The following UNC13C variants were observed in gnomAD, a reference collection of about 807,000 sequenced individuals.
UNC13C encodes protein unc-13 homolog C.
In UNC13C, 174 loss-of-function variants were observed where a neutral mutation model predicts 245.4. That is an observed-to-expected ratio of 0.71 (90% CI 0.63 to 0.80). UNC13C has a LOEUF of 0.80. UNC13C is among the 30% of genes least tolerant of loss of function. The pLI is 0.00. For synonymous variants in UNC13C, 992 were observed against 895.1 expected (o/e 1.11, Z -1.93); for missense variants, 2,829 against 2,602.9 (o/e 1.09, Z -1.89).
intron 2 of UNC13C, chr15:54,044,523 C>A: frequency 4.4e-6 from 1 of 225,872 alleles, no homozygotes; most frequent in South Asian, 4.4e-5. Flanking sequence ...AAAGTGGCTG[C>A]ACAACCTGAC....
chr15:54,191,937 T>A (rs1233418954), intron 4 of UNC13C, among the ~76,000 whole-genome samples: 1 of 152,178 alleles, frequency 6.6e-6, no homozygotes, highest in Non-Finnish European at 1.5e-5. Flanking sequence ...TCCTTGTAGA[T>A]TCTAGATATT....
chr15:54,588,926 A>G (rs1173260093), intron 30 of UNC13C, among the ~76,000 whole-genome samples: 1 of 152,168 alleles, frequency 6.6e-6, no homozygotes, highest in African/African-American at 2.4e-5. Context: ...GCAATTGTGA[A>G]TTGTGTTGCT....
At chr15:54,572,872 C>T (rs564985742) in intron 30 of UNC13C, among the ~76,000 whole-genome samples, 6 of 152,144 alleles carry the variant, frequency 3.9e-5, no homozygotes, top group African/African-American at 1.4e-4. Flanking sequence ...CTTTTAAAAG[C>T]ATTTGTGTTT....
intron 26 of UNC13C, among the ~76,000 whole-genome samples, chr15:54,539,658 G>A (rs1896156367): frequency 6.6e-6 from 1 of 152,018 alleles, no homozygotes; most frequent in Non-Finnish European, 1.5e-5. Context: ...AGTCCAATCA[G>A]TAGTTTGGAG....
intron 8 of UNC13C, among the ~76,000 whole-genome samples, chr15:54,251,155 G>A (rs1463627217): frequency 6.6e-6 from 1 of 152,136 alleles, no homozygotes; most frequent in African/African-American, 2.4e-5. Flanking sequence ...ATATGCTTCT[G>A]CATTTACAGC....
chr15:54,491,991 CAA>C (rs111666689), intron 19 of UNC13C, among the ~76,000 whole-genome samples: 2 of 134,166 alleles, frequency 1.5e-5, no homozygotes, highest in African/African-American at 2.8e-5. Context: ...GACTCCATCT[CAA>C]AAAAAAAAAA....
the UNC13C span, among the ~76,000 whole-genome samples, chr15:53,954,085 C>G: frequency 6.6e-6 from 1 of 152,192 alleles, no homozygotes; most frequent in African/African-American, 2.4e-5. Flanking sequence ...CCTATCCATC[C>G]TTTAAAGAGC....
the UNC13C span, among the ~76,000 whole-genome samples, chr15:53,900,870 C>T: frequency 6.6e-6 from 1 of 152,144 alleles, no homozygotes; most frequent in African/African-American, 2.4e-5. Flanking sequence ...GCACTTCATG[C>T]TCCCTGTTTT....
chr15:54,016,459 G>A (rs1048026960), intron 2 of UNC13C, among the ~76,000 whole-genome samples: 1 of 152,160 alleles, frequency 6.6e-6, no homozygotes, highest in Non-Finnish European at 1.5e-5. Flanking sequence ...CACAGTCAGG[G>A]AGAGCAATAG....
chr15:54,197,642 G>A (rs2034399151), intron 4 of UNC13C, among the ~76,000 whole-genome samples: 1 of 152,030 alleles, frequency 6.6e-6, no homozygotes, highest in Admixed American at 6.6e-5. Context: ...GCATCTTCTG[G>A]CTGTAAAAGG....
chr15:54,574,940 T>C (rs1897894328), intron 30 of UNC13C, among the ~76,000 whole-genome samples: 1 of 152,224 alleles, frequency 6.6e-6, no homozygotes, highest in Non-Finnish European at 1.5e-5. Context: ...TACTTCAGTA[T>C]GCCTAGTATA....
intron 2 of UNC13C, among the ~76,000 whole-genome samples, chr15:54,038,696 CA>C (rs1354572103): frequency 4.6e-4 from 70 of 152,240 alleles, no homozygotes; most frequent in African/African-American, 1.5e-3. Flanking sequence ...TTAAACATCT[CA>C]ACACTGTTTA....
chr15:54,269,045 T>TA (rs1347172920), intron 10 of UNC13C, among the ~76,000 whole-genome samples: 1 of 150,382 alleles, frequency 6.6e-6, no homozygotes, highest in Non-Finnish European at 1.5e-5. Flanking sequence ...TTTTTTTTTT[T>TA]AATTTTTTAT....
intron 2 of UNC13C, chr15:54,051,008 A>G (rs1897247837): frequency 4.7e-6 from 2 of 428,284 alleles, no homozygotes; most frequent in Non-Finnish European, 9.3e-6. Context: ...TGGTCACCAT[A>G]GTGACTTCTT....
intron 14 of UNC13C, among the ~76,000 whole-genome samples, chr15:54,324,899 GA>G (rs1229729357): frequency 6.6e-6 from 1 of 152,086 alleles, no homozygotes; most frequent in Non-Finnish European, 1.5e-5. Context: ...ATGCAGCCCA[GA>G]GTGGCTTTGA....
chr15:53,903,521 G>A, the UNC13C span, among the ~76,000 whole-genome samples: 3 of 152,300 alleles, frequency 2.0e-5, no homozygotes, highest in Admixed American at 6.5e-5. Flanking sequence ...ATGTGGAACT[G>A]GATGGCCACA....
intron 2 of UNC13C, among the ~76,000 whole-genome samples, chr15:54,071,870 A>G (rs1898344799): frequency 6.6e-6 from 1 of 152,162 alleles, no homozygotes; most frequent in Non-Finnish European, 1.5e-5. Flanking sequence ...AAAGGAAAAG[A>G]TTCCTGACCC....
chr15:54,151,036 A>G (rs940326312), intron 4 of UNC13C, among the ~76,000 whole-genome samples: 2 of 152,152 alleles, frequency 1.3e-5, no homozygotes, highest in Admixed American at 1.3e-4. Context: ...CTTTTTGATC[A>G]TCTCTCTTTC....
At chr15:53,888,097 T>C in the UNC13C span, among the ~76,000 whole-genome samples, 3 of 152,230 alleles carry the variant, frequency 2.0e-5, no homozygotes, top group African/African-American at 7.2e-5. Context: ...TCAAATGGTA[T>C]TTCTAGTTCT....
Sources: allele counts gnomAD v4.1 joint callset (sites outside exome capture counted in the v4.1 genomes callset), GRCh38; gene constraint gnomAD v4.1.1; transcripts MANE v1.5; gene names NCBI Gene and HGNC (gene_info 2026-07-23, HGNC 2026-07-21).